The following SLIT3 variants were observed in gnomAD, a reference collection of about 807,000 sequenced individuals.
The protein encoded by SLIT3 is slit homolog 3 protein.
SLIT3 carries 68 observed loss-of-function variants against 184.0 expected under a neutral mutation model. The ratio of observed to expected loss-of-function variants is 0.37; its 90% confidence interval spans 0.30 to 0.45. The LOEUF is 0.45. Ranked by LOEUF, SLIT3 falls within the 20% of genes least tolerant of loss-of-function variation. The probability of loss-of-function intolerance (pLI) is 1.00; values close to 1 mark genes in which losing one functional copy is unlikely to be tolerated. For missense variants in SLIT3, 1,707 were observed against 2,026.0 expected, an observed-to-expected ratio of 0.84 and a Z score of 3.02; for synonymous variants, 831 against 828.6, an observed-to-expected ratio of 1.00 and a Z score of -0.05.
intron 5 of SLIT3, among the ~76,000 whole-genome samples, chr5:168,857,378 GT>G (rs748061805): frequency 1.9e-5 from 2 of 105,456 alleles, no homozygotes; most frequent in Non-Finnish European, 4.5e-5. Context: ...TTTTGTTTTT[GT>G]TTTGTTTTGT....
At chr5:169,225,672 G>C (rs1276301517) in intron 3 of SLIT3, among the ~76,000 whole-genome samples, 1 of 152,202 alleles carries the variant, frequency 6.6e-6, no homozygotes, top group African/African-American at 2.4e-5. Context: ...TGACTGTTTT[G>C]AGCTGAAAAA....
chr5:169,112,563 G>T (rs1213049308), intron 4 of SLIT3, among the ~76,000 whole-genome samples: 1 of 152,120 alleles, frequency 6.6e-6, no homozygotes, highest in Non-Finnish European at 1.5e-5. Flanking sequence ...TTGGGCGAGT[G>T]ACTTTACCTC....
At chr5:168,989,712 C>G (rs944169577) in intron 4 of SLIT3, among the ~76,000 whole-genome samples, 1 of 152,144 alleles carries the variant, frequency 6.6e-6, no homozygotes, top group Non-Finnish European at 1.5e-5. Flanking sequence ...CCCATAGCCA[C>G]CCTAAAACGA....
intron 23 of SLIT3, chr5:168,712,868 G>A (rs1762603184): frequency 6.4e-6 from 1 of 155,082 alleles, no homozygotes; most frequent in Admixed American, 6.3e-5. Flanking sequence ...AAACAGGTAT[G>A]AGAATAAAAA....
In SLIT3 at chr5:168,664,451, T is replaced by C. The variant is rs895981601; in HGVS notation, c.*2003A>G. 4 of 152,230 alleles carry C rather than the reference T, an allele frequency of 2.6e-5. No homozygotes were observed. Among genetic ancestry groups the C allele is most frequent in the Non-Finnish European group, 4.4e-5 (3 of 68,046 alleles). 9.4% of individuals were successfully genotyped at this position (152,230 alleles called of 1,614,324 possible). A position where few individuals can be genotyped will look rare whatever the true frequency, so the allele number is the denominator to read the frequency against. ...TAATGGAGATTTACATGCACATTTT[T>C]AGATAAATTCCTCAGCTATATCCCT... On this transcript the variant is annotated 3_prime_UTR_variant, in exon 36 of 36. Coordinates refer to ENST00000519560, the MANE Select transcript of SLIT3 (RefSeq NM_003062.4).
chr5:168,895,940 C>A (rs1373240311), intron 4 of SLIT3, among the ~76,000 whole-genome samples: 2 of 152,196 alleles, frequency 1.3e-5, no homozygotes, highest in African/African-American at 4.8e-5. Flanking sequence ...AGATGAAATT[C>A]ATTAGTGACA....
intron 4 of SLIT3, chr5:169,023,638 A>G (rs1165604816): frequency 6.7e-6 from 1 of 149,146 alleles, no homozygotes. Context: ...ACCTGCTCTC[A>G]CTCTTCTGTT....
At chr5:168,951,814 C>G (rs1326585412) in intron 4 of SLIT3, among the ~76,000 whole-genome samples, 1 of 152,190 alleles carries the variant, frequency 6.6e-6, no homozygotes, top group East Asian at 1.9e-4. Flanking sequence ...CCCTATAAAA[C>G]TGTCTCATGA....
At chr5:169,234,671 G>T (rs546060436) in intron 3 of SLIT3, among the ~76,000 whole-genome samples, 13 of 152,098 alleles carry the variant, frequency 8.5e-5, no homozygotes, top group Non-Finnish European at 1.9e-4. Context: ...GCCTCCCAAA[G>T]TGCTGGGATT....
At chr5:168,703,383 A>T (rs1762276277) in intron 26 of SLIT3, among the ~76,000 whole-genome samples, 1 of 152,058 alleles carries the variant, frequency 6.6e-6, no homozygotes, top group Non-Finnish European at 1.5e-5. Context: ...GCTGCACAGC[A>T]GGAGGTGAGC....
chr5:168,840,846 GC>G (rs2113706587), intron 6 of SLIT3, among the ~76,000 whole-genome samples: 1 of 152,312 alleles, frequency 6.6e-6, no homozygotes, highest in South Asian at 2.1e-4. Flanking sequence ...ACTGTGGAGT[GC>G]CAAAGTCTAT....
chr5:168,986,354 G>A (rs1315596473), intron 4 of SLIT3, among the ~76,000 whole-genome samples: 1 of 152,080 alleles, frequency 6.6e-6, no homozygotes, highest in African/African-American at 2.4e-5. Flanking sequence ...CAGTGGTGTA[G>A]ATAAGGGAAA....
chr5:168,692,968 GA>G (rs941196429), intron 28 of SLIT3, among the ~76,000 whole-genome samples: 2 of 152,182 alleles, frequency 1.3e-5, no homozygotes, highest in Non-Finnish European at 1.5e-5. Context: ...TGTTTTACTT[GA>G]TCTTTCAGGG....
chr5:168,757,412 C>T (rs535849124), intron 16 of SLIT3, among the ~76,000 whole-genome samples: 1 of 152,286 alleles, frequency 6.6e-6, no homozygotes, highest in Non-Finnish European at 1.5e-5. Context: ...TCTGGGTGTG[C>T]AACCCCTATT....
intron 1 of SLIT3, among the ~76,000 whole-genome samples, chr5:169,280,481 T>C (rs1766961044): frequency 6.6e-6 from 1 of 152,190 alleles, no homozygotes; most frequent in Non-Finnish European, 1.5e-5. Context: ...ACACACCAGC[T>C]GGCCCCTCGG....
chr5:168,908,403 C>A (rs1463928176), intron 4 of SLIT3, among the ~76,000 whole-genome samples: 1 of 152,060 alleles, frequency 6.6e-6, no homozygotes, highest in African/African-American at 2.4e-5. Flanking sequence ...GGGCAGGTTT[C>A]CAGCAGAGAT....
chr5:168,669,933 C>T lies in SLIT3; in HGVS notation c.4186G>A (p.Gly1396Ser). ...TTGTCACACAAGTCCCCTCCATAGC[C>T]CTCGGCACACTTGCACATGTATGAG... is the stretch of plus-strand genomic sequence containing the variant. ...GTSYMCKCAE[G>S]YGGDLCDNKN... The change falls in exon 35 of 36, where the codon GGC becomes AGC. Residue 1396 changes from glycine to serine, a missense_variant. Transcript: ENST00000519560. 6.2e-7 allele frequency: 1 copy of T among 1,614,164 alleles called. No individual in the cohort carries two copies. Among genetic ancestry groups the T allele is most frequent in the Non-Finnish European group, 8.5e-7 (1 of 1,180,040 alleles).
intron 4 of SLIT3, among the ~76,000 whole-genome samples, chr5:168,940,685 A>G (rs1762302194): frequency 1.3e-5 from 2 of 152,212 alleles, no homozygotes; most frequent in South Asian, 4.1e-4. Flanking sequence ...CAGTCCTGAA[A>G]TGAATCTTCC....
chr5:168,883,644 G>C (rs1279473232), intron 4 of SLIT3, among the ~76,000 whole-genome samples: 1 of 151,916 alleles, frequency 6.6e-6, no homozygotes, highest in African/African-American at 2.4e-5. Flanking sequence ...CCAATTCTCT[G>C]TTTTCCCACC....
Sources: allele counts gnomAD v4.1 joint callset (sites outside exome capture counted in the v4.1 genomes callset), GRCh38; gene constraint gnomAD v4.1.1; transcripts MANE v1.5; gene names NCBI Gene and HGNC (gene_info 2026-07-23, HGNC 2026-07-21).